SPATA20: variants seen among roughly 807,000 people sequenced by gnomAD.
The protein encoded by SPATA20 is spermatogenesis-associated protein 20.
SPATA20 carries 74 observed loss-of-function variants against 98.9 expected under a neutral mutation model. The observed-to-expected ratio is 0.75, with a 90% CI of 0.62 to 0.91. The LOEUF is 0.91. Among genes scored for constraint, SPATA20 ranks in the 40% least tolerant of loss-of-function variants. The pLI, the probability that SPATA20 is intolerant of heterozygous loss-of-function variation, is 0.00. For synonymous variants in SPATA20, 430 were observed against 440.5 expected (o/e 0.98, Z 0.30); for missense variants, 1,016 against 1,069.8 (o/e 0.95, Z 0.70).
At chr17:50,549,617 A>T in intron 7 of SPATA20, 130 bp downstream of exon 7, 1 of 928,184 alleles carries the variant, frequency 1.1e-6, no homozygotes, top group Non-Finnish European at 1.6e-6. Context: ...CCTTGCCCCT[A>T]GCCTGTCGGT....
intron 2 of SPATA20, 52 bp downstream of exon 2, chr17:50,547,819 C>A: frequency 1.2e-6 from 1 of 835,400 alleles, no homozygotes; most frequent in Non-Finnish European, 2.1e-6. Flanking sequence ...GTTTGTCCCT[C>A]ACCTGGTCGA....
Position 50,555,604 on chromosome 17 carries a change from A to G in SPATA20, c.2351A>G (p.Gln784Arg). 1 of 1,614,036 alleles carries G rather than the reference A, an allele frequency of 6.2e-7. No homozygotes were observed. The highest frequency in any genetic ancestry group is 8.5e-7 in the Non-Finnish European group (1 of 1,179,974). ...DQATAYVCENQACSVPITDPC... is the reference protein window; with the variant it reads ...DQATAYVCENRACSVPITDPC... ...GCCACTGCATATGTGTGTGAGAATC[A>G]AGCCTGCTCAGTGCCCATCACTGAT... Residue 784 changes from glutamine to arginine, a missense_variant, in exon 17 of 17, where the codon CAA (glutamine) becomes CGA (arginine). Transcript: ENST00000006658.
chr17:50,554,536 C>CATGAAAGAGA, intron 15 of SPATA20, 86 bp downstream of exon 15: 1 of 1,381,596 alleles, frequency 7.2e-7, no homozygotes, highest in Non-Finnish European at 1.0e-6. Context: ...GGGTGGGGTT[C>CATGAAAGAGA]CTGGGCTGTC....
At position 50,555,736 on chromosome 17, in the gene SPATA20, C is replaced by G; in HGVS notation, c.*74C>G. 1 of 1,383,342 alleles carries G rather than the reference C, an allele frequency of 7.2e-7. No homozygotes were observed. The highest frequency in any genetic ancestry group is 1.3e-5 in the South Asian group (1 of 75,254). 85.7% of individuals were successfully genotyped at this position (1,383,342 alleles called of 1,614,324 possible). Reference sequence around the variant, plus strand: ...ACTAGAGACTCAGGCCCTGCAGGGCCCTATAGAACCTGTGGCCATCCCTGA... The same window carrying G: ...ACTAGAGACTCAGGCCCTGCAGGGCGCTATAGAACCTGTGGCCATCCCTGA... On this transcript the variant is annotated 3_prime_UTR_variant, in exon 17 of 17. Transcript: ENST00000006658.
chr17:50,548,094 C>T, intron 2 of SPATA20, 189 bp from the exon 3 acceptor site: 1 of 1,506,666 alleles, frequency 6.6e-7, no homozygotes, highest in South Asian at 1.3e-5. Context: ...AATGAGCCAC[C>T]TCTCCTCACC....
At position 50,552,184 on chromosome 17, in the gene SPATA20, A is replaced by C; in HGVS notation, c.1957+4A>C. The C allele has an allele frequency of 6.2e-7, 1 of 1,613,180 alleles. No homozygotes were observed. Among genetic ancestry groups the C allele is most frequent in the Non-Finnish European group, 8.5e-7 (1 of 1,179,790 alleles). Reference sequence around the variant, plus strand: ...CTGCCCCTGCGTCTGAAGGACGGTCAGTGGGGGTGCAGGGCTAGTCTGGGG... The same window carrying C: ...CTGCCCCTGCGTCTGAAGGACGGTCCGTGGGGGTGCAGGGCTAGTCTGGGG... On this transcript the variant is annotated splice_donor_region_variant and intron_variant, in intron 14 of 16. Coordinates refer to ENST00000006658, the MANE Select transcript of SPATA20 (RefSeq NM_022827.4).
At position 50,550,813 on chromosome 17, in the gene SPATA20, C is replaced by T. The variant is rs1466416801; in HGVS notation, c.1279C>T (p.Leu427Phe). 6.2e-7 allele frequency: 1 copy of T among 1,613,032 alleles called. No homozygotes were observed. Among genetic ancestry groups the T allele is most frequent in the Non-Finnish European group, 8.5e-7 (1 of 1,180,030 alleles). The change falls in exon 11 of 17, where the codon CTC becomes TTC. Residue 427 changes from leucine to phenylalanine, a missense_variant. Transcript: ENST00000006658. ...GTGGACGGTCAAAGAGGTTCAGCAG[C>T]TCCTCCCGGAGCCTGTGTTGGGTGC... ...YVWTVKEVQQ[L>F]LPEPVLGATE...
rs761955416 is a variant in SPATA20, at chr17:50,555,457, G to T, written c.2239-35G>T. 1 of 1,610,860 alleles carries T rather than the reference G, an allele frequency of 6.2e-7. No homozygotes were observed. The highest frequency in any genetic ancestry group is 2.2e-5 in the East Asian group (1 of 44,818). ...TCTAATGGGCAGGTGACCCCACCCC[G>T]GCAGGTGACTCTCCCTGCTCTGCTG... is the stretch of plus-strand genomic sequence containing the variant. On this transcript the variant is annotated intron_variant, in intron 16 of 16. Coordinates refer to ENST00000006658, the MANE Select transcript of SPATA20 (RefSeq NM_022827.4).
At chr17:50,548,232 GAGA>G (rs1193267768) in intron 2 of SPATA20, 48 bp from the exon 3 acceptor site, 2 of 1,593,368 alleles carry the variant, frequency 1.3e-6, no homozygotes, top group South Asian at 2.3e-5. Context: ...GGGGGCCTGG[GAGA>G]AGGTGGGTGG....
chr17:50,547,962 G>A, intron 2 of SPATA20, 195 bp downstream of exon 2: 12 of 1,442,410 alleles, frequency 8.3e-6, no homozygotes, highest in Non-Finnish European at 1.1e-5. Flanking sequence ...GGGGCCTGGG[G>A]AGGGGTAAGA....
At chr17:50,551,823 A>T (rs2035021218) in intron 13 of SPATA20, 144 bp downstream of exon 13, 17 of 1,198,866 alleles carry the variant, frequency 1.4e-5, no homozygotes, top group Non-Finnish European at 1.9e-5. Flanking sequence ...GGGCCCATTT[A>T]CTCATCTGGG....
chr17:50,552,687 G>C (rs895795461), intron 14 of SPATA20, among the ~76,000 whole-genome samples: 1 of 150,986 alleles, frequency 6.6e-6, no homozygotes, highest in African/African-American at 2.4e-5. Context: ...TCAGCCTCCT[G>C]AGTAGCTAGG....
intron 12 of SPATA20, 72 bp downstream of exon 12, chr17:50,551,262 C>A: frequency 7.3e-7 from 1 of 1,375,496 alleles, no homozygotes. Context: ...TTTCCGGCAG[C>A]GGCTAAATGC....
rs1254454295 is a variant in SPATA20 at position 50,548,815 on chromosome 17, T to C, written c.367T>C (p.Tyr123His). The C allele has an allele frequency of 6.2e-7, 1 of 1,612,410 alleles. No homozygotes were observed. The highest frequency in any genetic ancestry group is 8.5e-7 in the Non-Finnish European group (1 of 1,179,234). The change falls in exon 5 of 17, where the codon TAC becomes CAC. Residue 123 changes from tyrosine (Y) to histidine (H), a missense_variant. Coordinates refer to ENST00000006658, the MANE Select transcript of SPATA20 (RefSeq NM_022827.4). ...ENKPIFLSVG[Y>H]STCHWCHMME... ...CTCCCCATGGCCCTGTTCAGTCGGG[T>C]ACTCCACCTGCCACTGGTGCCACAT...
rs151336896 is a variant in SPATA20, at chr17:50,550,088, C to T, written c.966C>T (p.Asn322=). 191 of 1,612,196 alleles carry T rather than the reference C, an allele frequency of 1.2e-4. 2 individuals are homozygous for T. The highest frequency in any genetic ancestry group is 1.1e-3 in the African/African-American group (81 of 74,992). The change falls in exon 8 of 17, where the codon AAC becomes AAT. Residue 322 remains asparagine (N), a synonymous_variant. Coordinates refer to ENST00000006658, the MANE Select transcript of SPATA20 (RefSeq NM_022827.4). ...MALHTLKMMA[N]GGIRDHVGQG... ...TGCATACCCTGAAAATGATGGCTAA[C>T]GGGGGCATCCGGGACCATGTGGGGC... is the stretch of plus-strand genomic sequence containing the variant.
chr17:50,549,835 C>T, intron 7 of SPATA20, 150 bp from the exon 8 acceptor site: 1 of 857,524 alleles, frequency 1.2e-6, no homozygotes, highest in Admixed American at 2.3e-5. Context: ...ACCTTCTGTC[C>T]TGTGGGTTGA....
In SPATA20 at chr17:50,548,316, G is replaced by C. The variant is rs375310467; in HGVS notation, c.159G>C (p.Ala53=). The change falls in exon 3 of 17, where the codon GCG becomes GCC. Residue 53 remains alanine, a synonymous_variant. Coordinates refer to ENST00000006658, the MANE Select transcript of SPATA20 (RefSeq NM_022827.4). ...GSSSRDKDRS[A]TVSSSVPMPA... is the part of the protein sequence containing the mutation. ...CCTCCCGGGACAAGGACCGAAGTGC[G>C]ACGGTCAGTAGTTCAGTGCCCATGC... is the stretch of plus-strand genomic sequence containing the variant. The C allele has an allele frequency of 3.7e-6, 6 of 1,613,680 alleles. No individual in the cohort carries two copies. Among genetic ancestry groups the C allele is most frequent in the Non-Finnish European group, 4.2e-6 (5 of 1,179,930 alleles).
At chr17:50,554,515 A>C in intron 15 of SPATA20, 65 bp downstream of exon 15, 1 of 1,527,344 alleles carries the variant, frequency 6.5e-7, no homozygotes, top group Non-Finnish European at 9.0e-7. Context: ...GCGATGGCAG[A>C]TGGGAACAGG....
intron 13 of SPATA20, 27 bp from the exon 14 acceptor site, chr17:50,551,942 G>GCCCCT (rs1407159411): frequency 1.3e-6 from 2 of 1,548,876 alleles, no homozygotes; most frequent in East Asian, 4.8e-5. Context: ...GCTCTCCCCA[G>GCCCCT]CCCCTCCCGT....
Sources: allele counts gnomAD v4.1 joint callset (sites outside exome capture counted in the v4.1 genomes callset), GRCh38; gene constraint gnomAD v4.1.1; transcripts MANE v1.5; gene names NCBI Gene and HGNC (gene_info 2026-07-23, HGNC 2026-07-21).